Variants in KCND2 observed in about 807,000 individuals in gnomAD.
KCND2 encodes A-type voltage-gated potassium channel KCND2.
KCND2 carries 16 observed loss-of-function variants against 54.4 expected under a neutral mutation model. The ratio of observed to expected loss-of-function variants is 0.29; its 90% CI spans 0.20 to 0.45. The LOEUF (loss-of-function observed/expected upper bound fraction) is 0.45. Among genes scored for constraint, KCND2 ranks in the 20% least tolerant of loss-of-function variants. KCND2 has a pLI of 1.00. For synonymous variants in KCND2, 317 were observed against 310.7 expected (o/e 1.02, Z -0.21); for missense variants, 486 against 824.2 (o/e 0.59, Z 5.02).
At chr7:120,624,354 C>T (rs1252719127) in intron 1 of KCND2, among the ~76,000 whole-genome samples, 3 of 152,158 alleles carry the variant, frequency 2.0e-5, no homozygotes, top group Non-Finnish European at 2.9e-5. Flanking sequence ...TGGATTTAGC[C>T]ATCTCCAGAC....
intron 1 of KCND2, among the ~76,000 whole-genome samples, chr7:120,689,807 C>A (rs1254077333): frequency 1.3e-5 from 2 of 152,162 alleles, no homozygotes; most frequent in African/African-American, 2.4e-5. Flanking sequence ...AGGGCAAAGA[C>A]TAAACAACTT....
chr7:120,452,279 T>C (rs759140808), intron 1 of KCND2, among the ~76,000 whole-genome samples: 61 of 152,188 alleles, frequency 4.0e-4, no homozygotes, highest in Non-Finnish European at 6.5e-4. Context: ...CTTAACATCT[T>C]CATCAGTAAA....
chr7:120,483,614 G>A (rs552131067), intron 1 of KCND2, among the ~76,000 whole-genome samples: 2 of 152,230 alleles, frequency 1.3e-5, no homozygotes, highest in South Asian at 4.1e-4. Flanking sequence ...GTGAGAGGAG[G>A]AAAATCAGAA....
chr7:120,483,424 T>C (rs1204422376), intron 1 of KCND2, among the ~76,000 whole-genome samples: 1 of 152,170 alleles, frequency 6.6e-6, no homozygotes, highest in Non-Finnish European at 1.5e-5. Flanking sequence ...GCTAGACATA[T>C]AGATCTGTGA....
In KCND2 at chr7:120,450,238, C is replaced by T. The variant is rs148243278; in HGVS notation, c.1115+174491C>T. ...CCATCCTGGCCAAATGGTGAAACCC[C>T]GTCTTTACTAAAAATACAAATATTA... On this transcript the variant is annotated intron_variant, in intron 1 of 5. Coordinates refer to ENST00000331113, the MANE Select transcript of KCND2 (RefSeq NM_012281.3). Among the ~76,000 whole-genome samples the T allele has an allele frequency of 2.8e-4, 43 of 152,144 alleles. No homozygotes were observed. In the East Asian group the frequency reaches 6.6e-3, roughly 23 times the overall value.
At chr7:120,284,139 A>C (rs1799304369) in intron 1 of KCND2, among the ~76,000 whole-genome samples, 1 of 152,278 alleles carries the variant, frequency 6.6e-6, no homozygotes, top group East Asian at 1.9e-4. Flanking sequence ...TTTTGAATCT[A>C]GAGGAATTCA....
intron 1 of KCND2, among the ~76,000 whole-genome samples, chr7:120,389,041 G>T (rs1240418039): frequency 6.6e-6 from 1 of 151,648 alleles, no homozygotes; most frequent in Non-Finnish European, 1.5e-5. Context: ...ATAGAGAAAA[G>T]AAGTAGACAA....
intron 1 of KCND2, among the ~76,000 whole-genome samples, chr7:120,607,413 C>A (rs1439041613): frequency 6.6e-6 from 1 of 152,084 alleles, no homozygotes; most frequent in African/African-American, 2.4e-5. Flanking sequence ...TTTAAAAGAT[C>A]TGTAGGGTAA....
At chr7:120,635,233 T>C (rs1341695623) in intron 1 of KCND2, among the ~76,000 whole-genome samples, 1 of 152,206 alleles carries the variant, frequency 6.6e-6, no homozygotes, top group African/African-American at 2.4e-5. Context: ...TCCATAAATA[T>C]ATTGATATTT....
chr7:120,628,524 A>G (rs531902426), intron 1 of KCND2, among the ~76,000 whole-genome samples: 14 of 152,208 alleles, frequency 9.2e-5, no homozygotes, highest in Middle Eastern at 3.2e-3. Context: ...TAATTTTTCA[A>G]TGATTGCTTC....
At chr7:120,586,927 C>T (rs939181316) in intron 1 of KCND2, among the ~76,000 whole-genome samples, 13 of 151,946 alleles carry the variant, frequency 8.6e-5, no homozygotes, top group Non-Finnish European at 7.4e-5. Flanking sequence ...CCCAAAGTAA[C>T]GAATACAGAA....
Position 120,579,898 on chromosome 7 carries a change from G to A in KCND2, c.1116-153005G>A, listed in dbSNP as rs149556030. 6.6e-4 allele frequency among the ~76,000 whole-genome samples: 101 copies of A among 152,230 alleles called. 1 individual carries two copies. Among genetic ancestry groups the A allele is most frequent in the Admixed American group, 5.2e-3 (80 of 15,274 alleles). On this transcript the variant is annotated intron_variant, in intron 1 of 5. Coordinates refer to ENST00000331113, the MANE Select transcript of KCND2 (RefSeq NM_012281.3). ...TTGGGCTTTTGTTAGGATTATGGAG[G>A]GGATTCACTGCATAGAGCATATGTT...
At chr7:120,331,042 C>A (rs1243445871) in intron 1 of KCND2, among the ~76,000 whole-genome samples, 1 of 151,984 alleles carries the variant, frequency 6.6e-6, no homozygotes, top group East Asian at 1.9e-4. Context: ...ATTCTTTGTT[C>A]TTTCTTAATC....
chr7:120,503,586 C>A (rs73437829), intron 1 of KCND2, among the ~76,000 whole-genome samples: 3,995 of 152,020 alleles, frequency 0.026, 158 homozygotes, highest in African/African-American at 0.09. Context: ...TTCCTTGACC[C>A]TTCTGCATTG....
At chr7:120,471,965 G>A (rs562927734) in intron 1 of KCND2, among the ~76,000 whole-genome samples, 1 of 151,850 alleles carries the variant, frequency 6.6e-6, no homozygotes, top group East Asian at 2.0e-4. Flanking sequence ...TTTATTATGT[G>A]TCAAAGATTA....
chr7:120,302,674 CTTAT>C (rs1041036005), intron 1 of KCND2, among the ~76,000 whole-genome samples: 8 of 152,150 alleles, frequency 5.3e-5, no homozygotes, highest in Admixed American at 4.6e-4. Flanking sequence ...ATACAAACAA[CTTAT>C]TTATTTCATT....
At chr7:120,606,553 A>C (rs923012919) in intron 1 of KCND2, among the ~76,000 whole-genome samples, 1 of 152,064 alleles carries the variant, frequency 6.6e-6, no homozygotes, top group Non-Finnish European at 1.5e-5. Context: ...TAATTTTTAT[A>C]TATAGTACGC....
intron 1 of KCND2, among the ~76,000 whole-genome samples, chr7:120,351,014 T>C (rs1014250486): frequency 1.3e-5 from 2 of 152,108 alleles, no homozygotes; most frequent in South Asian, 4.2e-4. Flanking sequence ...TTTAATTTTT[T>C]ACAGAGAATT....
chr7:120,603,889 T>C (rs1792845874), intron 1 of KCND2, among the ~76,000 whole-genome samples: 1 of 152,172 alleles, frequency 6.6e-6, no homozygotes, highest in African/African-American at 2.4e-5. Flanking sequence ...CTTCTTAAGA[T>C]CTGACTACTT....
Sources: allele counts gnomAD v4.1 joint callset (sites outside exome capture counted in the v4.1 genomes callset), GRCh38; gene constraint gnomAD v4.1.1; transcripts MANE v1.5; gene names NCBI Gene and HGNC (gene_info 2026-07-23, HGNC 2026-07-21).